RRBP1: variants seen among roughly 807,000 people sequenced by gnomAD.
RRBP1 encodes ribosome-binding protein 1.
Under a neutral mutation model 165.2 loss-of-function variants are expected in RRBP1, and 94 were observed. That is an observed-to-expected ratio of 0.57 (90% CI 0.48 to 0.68). The LOEUF is 0.68. RRBP1 is among the 30% of genes least tolerant of loss of function. RRBP1 has a pLI of 0.00. For synonymous variants in RRBP1, 680 were observed against 714.5 expected (o/e 0.95, Z 0.77); for missense variants, 1,676 against 1,763.0 (o/e 0.95, Z 0.88).
chr20:17,616,917 C>A (rs761553694), intron 20 of RRBP1, 78 bp from the exon 21 acceptor site: 42 of 1,154,524 alleles, frequency 3.6e-5, no homozygotes, highest in Non-Finnish European at 4.9e-5. Context: ...GGGACCCCCT[C>A]GGAGGACCGT....
At chr20:17,669,025 T>C (rs1224749462) in intron 2 of RRBP1, among the ~76,000 whole-genome samples, 2 of 152,004 alleles carry the variant, frequency 1.3e-5, no homozygotes, top group Non-Finnish European at 2.9e-5. Context: ...ATTTTTTTTT[T>C]AACCCAAAGA....
chr20:17,642,240 C>T (rs577831110), intron 4 of RRBP1, among the ~76,000 whole-genome samples: 1 of 152,246 alleles, frequency 6.6e-6, no homozygotes, highest in African/African-American at 2.4e-5. Flanking sequence ...CCTACCCGAG[C>T]CGGGCGTGCA....
intron 19 of RRBP1, 33 bp from the exon 20 acceptor site, chr20:17,618,712 A>T (rs775802395): frequency 1.3e-6 from 2 of 1,496,842 alleles, no homozygotes; most frequent in South Asian, 1.1e-5. Context: ...GTGATGGGAA[A>T]AAAGGAGAGA....
chr20:17,669,632 C>A (rs531626453), intron 2 of RRBP1, among the ~76,000 whole-genome samples: 1 of 152,240 alleles, frequency 6.6e-6, no homozygotes, highest in Non-Finnish European at 1.5e-5. Flanking sequence ...CAGAACAACC[C>A]AAGTTTCCAG....
chr20:17,660,790 A>G (rs564731575), intron 2 of RRBP1, among the ~76,000 whole-genome samples: 1 of 152,256 alleles, frequency 6.6e-6, no homozygotes, highest in African/African-American at 2.4e-5. Context: ...CTATCTCTGG[A>G]GCACACACGC....
chr20:17,626,093 G>A (rs1232085047), intron 11 of RRBP1, among the ~76,000 whole-genome samples: 4 of 152,148 alleles, frequency 2.6e-5, no homozygotes, highest in African/African-American at 7.2e-5. Context: ...GGGCTGAATC[G>A]CTCCTCTCTA....
chr20:17,622,882 A>G (rs1266394042), intron 13 of RRBP1: 1 of 152,164 alleles, frequency 6.6e-6, no homozygotes, highest in South Asian at 2.1e-4. Context: ...AACTCCCCCA[A>G]GCAGAGTCCT....
At chr20:17,670,275 C>A (rs1158248674) in intron 2 of RRBP1, among the ~76,000 whole-genome samples, 1 of 152,162 alleles carries the variant, frequency 6.6e-6, no homozygotes, top group Non-Finnish European at 1.5e-5. Context: ...TTTAGTCATA[C>A]ATACTGCTGG....
Position 17,658,945 on chromosome 20 carries a change from C to G in RRBP1, c.1563G>C (p.Lys521Asn). ...CCTTTTTGCCCTGAGCCCCTTCTGT[C>G]TTTTTACCCTGATTCTGGGCTCCCT... ...KGEGAQNQGK[K>N]TEGAQGKKAE... is the part of the protein sequence containing the mutation. The change falls in exon 3 of 25, where the codon AAG becomes AAC. Residue 521 changes from lysine to asparagine, a missense_variant. By Grantham distance (94) the Lys-to-Asn change is moderately conservative. This residue lies in a region of RRBP1 where 1,184 missense variants were observed against 1,167.1 expected (regional missense o/e 1.01). Transcript: ENST00000377813. 6.2e-7 allele frequency: 1 copy of G among 1,612,942 alleles called. No homozygotes were observed. The highest frequency in any genetic ancestry group is 8.5e-7 in the Non-Finnish European group (1 of 1,179,840).
At chr20:17,652,621 C>T (rs547005755) in intron 3 of RRBP1, among the ~76,000 whole-genome samples, 2 of 152,288 alleles carry the variant, frequency 1.3e-5, no homozygotes, top group South Asian at 2.1e-4. Flanking sequence ...TCAGCCCACC[C>T]GGAGTTCTGC....
intron 9 of RRBP1, 138 bp from the exon 10 acceptor site, chr20:17,627,820 T>TA (rs1282258899): frequency 2.5e-6 from 2 of 791,160 alleles, no homozygotes; most frequent in Non-Finnish European, 3.9e-6. Context: ...TCTGGGGCTC[T>TA]TAAGACATAC....
In RRBP1 at chr20:17,654,132, C is replaced by T. The variant is rs78600271; in HGVS notation, c.1912+4464G>A. On this transcript the variant is annotated intron_variant, in intron 3 of 24. Coordinates refer to ENST00000377813, the MANE Select transcript of RRBP1 (RefSeq NM_001365613.2). Reference sequence around the variant, plus strand: ...GCTACCCGCTCAGACTGGTGTGGGCCGTCCACGTAACATAGACTCGACCTC... The same window carrying T: ...GCTACCCGCTCAGACTGGTGTGGGCTGTCCACGTAACATAGACTCGACCTC... 9.5e-3 allele frequency among the ~76,000 whole-genome samples: 1,453 copies of T among 152,306 alleles called. 63 individuals are homozygous for T. The highest frequency in any genetic ancestry group is 0.079 in the Admixed American group (1,207 of 15,302).
chr20:17,647,032 T>C (rs924868345), intron 3 of RRBP1, among the ~76,000 whole-genome samples: 12 of 152,146 alleles, frequency 7.9e-5, no homozygotes, highest in African/African-American at 2.2e-4. Context: ...TGGTGGTTAA[T>C]AGGAGGGGAT....
intron 2 of RRBP1, among the ~76,000 whole-genome samples, chr20:17,665,626 C>T (rs1210919660): frequency 2.0e-5 from 3 of 152,158 alleles, no homozygotes; most frequent in African/African-American, 7.2e-5. Context: ...CATAGTTGAA[C>T]CACAAATTAT....
rs2035790733 is a variant in RRBP1, at chr20:17,615,904, G to C, written c.3951+22C>G. On this transcript the variant is annotated intron_variant, in intron 22 of 24. Transcript: ENST00000377813. ...GGGCCCAGGGGCTGATGGGGGCTGA[G>C]AGCCACCAGGCAGGGCCTGACCTCC... 3.1e-6 allele frequency: 5 copies of C among 1,598,490 alleles called. No homozygotes were observed. In the South Asian group the frequency reaches 5.5e-5, roughly 18 times the overall value.
intron 4 of RRBP1, 141 bp from the exon 5 acceptor site, chr20:17,642,060 T>A: frequency 1.0e-6 from 1 of 964,442 alleles, no homozygotes; most frequent in Non-Finnish European, 1.5e-6. Context: ...GGACTCCAGA[T>A]ACTTGTGGGG....
At chr20:17,633,734 A>G in intron 7 of RRBP1, 121 bp from the exon 8 acceptor site, 2 of 983,468 alleles carry the variant, frequency 2.0e-6, no homozygotes, top group Non-Finnish European at 3.0e-6. Context: ...TCTTGAAGCC[A>G]TTACCAAAGC....
intron 3 of RRBP1, among the ~76,000 whole-genome samples, chr20:17,649,297 C>A (rs945837492): frequency 5.3e-5 from 8 of 152,182 alleles, no homozygotes; most frequent in Non-Finnish European, 1.0e-4. Context: ...GGGCACCTGC[C>A]GGGCAGGGCG....
At chr20:17,668,437 C>T (rs1255499808) in intron 2 of RRBP1, among the ~76,000 whole-genome samples, 3 of 152,158 alleles carry the variant, frequency 2.0e-5, no homozygotes, top group South Asian at 4.1e-4. Context: ...CACTGGTAAA[C>T]CTTAATGGGC....
Sources: allele counts gnomAD v4.1 joint callset (sites outside exome capture counted in the v4.1 genomes callset), GRCh38; gene constraint gnomAD v4.1.1; regional missense constraint gnomAD v4.1.1; transcripts MANE v1.5; gene names NCBI Gene and HGNC (gene_info 2026-07-23, HGNC 2026-07-21).